QRICH2: variants seen among roughly 807,000 people sequenced by gnomAD.
QRICH2 encodes glutamine-rich protein 2.
Under a neutral mutation model 168.3 loss-of-function variants are expected in QRICH2, and 119 were observed. The ratio of observed to expected loss-of-function variants is 0.71; its 90% CI spans 0.61 to 0.82. The LOEUF (loss-of-function observed/expected upper bound fraction) is 0.82, where lower values mean the gene tolerates loss of function less well. Ranked by LOEUF, QRICH2 falls within the 40% of genes least tolerant of loss-of-function variation. The pLI is 0.00. For missense variants in QRICH2, 2,241 were observed against 2,491.6 expected (o/e 0.90, Z 2.14); for synonymous variants, 894 against 951.2 (o/e 0.94, Z 1.11).
At chr17:76,287,114 G>T in intron 7 of QRICH2, 78 bp downstream of exon 7, 3 of 796,722 alleles carry the variant, frequency 3.8e-6, no homozygotes, top group Non-Finnish European at 6.4e-6. Context: ...AGTTTTTGAT[G>T]AGAGGTGGGA....
Position 76,304,647 on chromosome 17 carries a change from C to A in QRICH2, c.595-122G>T. The A allele has an allele frequency of 4.0e-6, 3 of 751,618 alleles. No homozygotes were observed. The South Asian group carries it at 4.7e-5, about 12-fold the overall frequency. 46.6% of individuals were successfully genotyped at this position (751,618 alleles called of 1,614,324 possible). The stretch of plus-strand genomic sequence containing the variant: ...CACAGCCCCAGCCCCAGGGAGAATT[C>A]ATCACCCTTCAAGTGACCAGTGAAG... On this transcript the variant is annotated intron_variant, in intron 2 of 18. Transcript: ENST00000680821.
In QRICH2 at chr17:76,277,265, G is replaced by A. The variant is rs769294413; in HGVS notation, c.5163C>T (p.Arg1721=). The A allele has an allele frequency of 1.2e-5, 19 of 1,602,034 alleles. No individual in the cohort carries two copies. In the South Asian group the frequency reaches 2.0e-4, roughly 17 times the overall value. ...AGGTGAGGGTGTGGCTGCCCCCGCA[G>A]CGCCGGGGCACAGTTGAGTAGGTGT... ...ADYTYSTVPR[R]CGGSHTLTYP... is the part of the protein sequence containing the mutation. Residue 1721 remains arginine, a synonymous_variant, in exon 16 of 19, where the codon CGC becomes CGT. Transcript: ENST00000680821.
rs1450514535 is a variant in QRICH2 at position 76,307,386 on chromosome 17, G to T, written c.534+79C>A. The stretch of plus-strand genomic sequence containing the variant: ...CCCCACCACCGCTCACCCCTCCAGG[G>T]TGGTGGGGACTCGGCTAGGCCTGGA... On this transcript the variant is annotated intron_variant, in intron 1 of 18. Coordinates refer to ENST00000680821, the MANE Select transcript of QRICH2 (RefSeq NM_001388453.1). This position sits in a 1 kb window ranked among gnomAD's most constrained non-coding sequence, Gnocchi z 5.3. The T allele has an allele frequency of 6.1e-6, 9 of 1,483,840 alleles. No individual in the cohort carries two copies. The highest frequency in any genetic ancestry group is 1.7e-4 in the Middle Eastern group (1 of 5,730). The allele number at this position is 1,483,840 out of a possible 1,614,324, so 91.9% of individuals were successfully genotyped here.
In QRICH2 at chr17:76,303,499, A is replaced by G. The variant is rs1336620290; in HGVS notation, c.705+916T>C. 9.9e-4 allele frequency among the ~76,000 whole-genome samples: 150 copies of G among 151,936 alleles called. 1 individual carries two copies. The highest frequency in any genetic ancestry group is 1.4e-3 in the Non-Finnish European group (93 of 67,816). ...TCCAGCTTGATTTTAATCAGATGAAAGTAGGTCGGGGATCGGAAAACAATT... is the reference window on the plus strand; with the variant it reads ...TCCAGCTTGATTTTAATCAGATGAAGGTAGGTCGGGGATCGGAAAACAATT... On this transcript the variant is annotated intron_variant, in intron 3 of 18. Transcript: ENST00000680821.
chr17:76,296,513 G>A (rs1029298234), intron 3 of QRICH2, among the ~76,000 whole-genome samples: 11 of 152,144 alleles, frequency 7.2e-5, no homozygotes, highest in South Asian at 4.1e-4. Flanking sequence ...TTATCCAGGC[G>A]TGGTGGCTCA....
At chr17:76,279,209 G>A in intron 13 of QRICH2, 67 bp from the exon 14 acceptor site, 1 of 1,418,244 alleles carries the variant, frequency 7.1e-7, no homozygotes, top group Admixed American at 1.9e-5. Context: ...AAATCCACCT[G>A]CCTAAAGAAC....
chr17:76,292,533 G>A lies in QRICH2; in HGVS notation c.2194C>T (p.Gln732Ter). Residue 732 changes from glutamine to a stop codon, truncating the protein, a stop_gained, in exon 4 of 19, where the codon CAA becomes TAA. Coordinates refer to ENST00000680821, the MANE Select transcript of QRICH2 (RefSeq NM_001388453.1). LOFTEE classifies it high-confidence loss of function. ...AAACCACGCTGATCTACTCCAGGTT[G>A]GACCAAACCATGCTGAACTGCACCA... ...QPGAVQHGLV[Q>*]PGVDQRGLAQ... 1 of 1,604,428 alleles carries A rather than the reference G, an allele frequency of 6.2e-7. No homozygotes were observed. The highest frequency in any genetic ancestry group is 8.5e-7 in the Non-Finnish European group (1 of 1,174,224).
At chr17:76,296,083 T>C (rs2070788328) in intron 3 of QRICH2, among the ~76,000 whole-genome samples, 1 of 151,854 alleles carries the variant, frequency 6.6e-6, no homozygotes, top group South Asian at 2.1e-4. Flanking sequence ...ACTAGCTGGG[T>C]GTGGTGGCAC....
In QRICH2 at chr17:76,287,099, G is replaced by T. The variant is rs542965240; in HGVS notation, c.4011+93C>A. ...ACACACACACACACATGATGGGAGG[G>T]ACCTAGTTTTTGATGAGAGGTGGGA... On this transcript the variant is annotated intron_variant, in intron 7 of 18. Coordinates refer to ENST00000680821, the MANE Select transcript of QRICH2 (RefSeq NM_001388453.1). The T allele has an allele frequency of 8.7e-6, 6 of 688,722 alleles. No individual in the cohort carries two copies. The African/African-American group carries it at 9.5e-5, about 11-fold the overall frequency. 42.7% of individuals were successfully genotyped at this position (688,722 alleles called of 1,614,324 possible).
In QRICH2 at chr17:76,293,491, CA is replaced by C; in HGVS notation, c.1235del (p.Val412GlyfsTer21). ...LVPASTYPHG[V>X]VPLSMGQLGV... The stretch of plus-strand genomic sequence containing the variant: ...CAAGCTGACCCATGCTGAGGGGTAC[CA>C]CACCATGTGGGTAAGTGCTAGCAGG... On this transcript the variant is annotated frameshift_variant, in exon 4 of 19. Coordinates refer to ENST00000680821, the MANE Select transcript of QRICH2 (RefSeq NM_001388453.1). LOFTEE classifies it high-confidence loss of function. The C allele has an allele frequency of 6.2e-7, 1 of 1,614,210 alleles. No individual in the cohort carries two copies.
At chr17:76,306,191 A>C (rs1467349823) in intron 1 of QRICH2, among the ~76,000 whole-genome samples, 20 of 150,860 alleles carry the variant, frequency 1.3e-4, no homozygotes, top group Non-Finnish European at 2.4e-4. Context: ...AAAAAAAAAA[A>C]AACCCAAAAA....
Position 76,275,873 on chromosome 17 carries a change from C to G in QRICH2, c.5428G>C (p.Gly1810Arg). The G allele has an allele frequency of 6.2e-7, 1 of 1,608,636 alleles. No individual in the cohort carries two copies. The change falls in exon 18 of 19, where the codon GGC (glycine) becomes CGC (arginine). Residue 1810 changes from glycine to arginine, a missense_variant. By Grantham distance (125) the Gly-to-Arg change is moderately radical. This residue lies in a region of QRICH2 where 189 missense variants were observed against 169.3 expected (regional missense o/e 1.12). Coordinates refer to ENST00000680821, the MANE Select transcript of QRICH2 (RefSeq NM_001388453.1). ...VHRPPSLSSNGQLPSRPQSAQ... is the reference protein window; with the variant it reads ...VHRPPSLSSNRQLPSRPQSAQ... ...CTCTGTGGCCGAGAGGGCAGCTGGC[C>G]ATTGCTGCTGAGGGATGGCGGCCTG... is the stretch of plus-strand genomic sequence containing the variant.
chr17:76,289,398 G>T (rs753675473), intron 5 of QRICH2, among the ~76,000 whole-genome samples: 11 of 151,812 alleles, frequency 7.2e-5, no homozygotes, highest in Non-Finnish European at 4.4e-5. Context: ...TGTTGCCCAG[G>T]CTGGTCTCGA....
chr17:76,277,770 A>G (rs553758589), intron 15 of QRICH2, among the ~76,000 whole-genome samples: 1 of 152,048 alleles, frequency 6.6e-6, no homozygotes, highest in South Asian at 2.1e-4. Flanking sequence ...ACTCATACAC[A>G]CACACCCTTA....
At position 76,274,099 on chromosome 17, in the gene QRICH2, G is replaced by T. The variant is rs572322941; in HGVS notation, c.5644C>A (p.Arg1882=). ...TCCGCTCACTGAGCGGTGCTGGACC[G>T]CGGCCCCCGCGTGGGCTCCTCGAGC... ...EGLEEPTRGP[R]SSTAQ is the part of the protein sequence containing the mutation. Residue 1882 remains arginine, a synonymous_variant, in exon 19 of 19, where the codon CGG becomes AGG. Coordinates refer to ENST00000680821, the MANE Select transcript of QRICH2 (RefSeq NM_001388453.1). 130 of 1,579,432 alleles carry T rather than the reference G, an allele frequency of 8.2e-5. No individual in the cohort carries two copies. The East Asian group carries it at 8.9e-4, about 11-fold the overall frequency.
chr17:76,274,117 C>T lies in QRICH2; in HGVS notation c.5626G>A (p.Glu1876Lys), dbSNP rs779956877. Residue 1876 changes from glutamate to lysine, a missense_variant, in exon 19 of 19, where the codon GAG becomes AAG. This residue lies in a region of QRICH2 where 189 missense variants were observed against 169.3 expected (regional missense o/e 1.12). Transcript: ENST00000680821. Reference sequence around the variant, plus strand: ...CTGGACCGCGGCCCCCGCGTGGGCTCCTCGAGCCCCTCCCCAGGAGGCATG... The same window carrying T: ...CTGGACCGCGGCCCCCGCGTGGGCTTCTCGAGCCCCTCCCCAGGAGGCATG... ...VDMPPGEGLE[E>K]PTRGPRSSTA... The T allele has an allele frequency of 4.4e-6, 7 of 1,586,020 alleles. No homozygotes were observed. In the African/African-American group the frequency reaches 5.5e-5, roughly 12 times the overall value.
In QRICH2 at chr17:76,304,474, T is replaced by C. The variant is rs1407505310; in HGVS notation, c.646A>G (p.Met216Val). ...TGCTCCAGCTCTTCCCAGGTGACCATGGTGACTTCTTCTGCACCAGGAACC... is the reference window on the plus strand; with the variant it reads ...TGCTCCAGCTCTTCCCAGGTGACCACGGTGACTTCTTCTGCACCAGGAACC... ...SLVPGAEEVT[M>V]VTWEELEQAI... is the part of the protein sequence containing the mutation. Residue 216 changes from methionine to valine, a missense_variant, in exon 3 of 19, where the codon ATG becomes GTG. Met to Val is a conservative substitution (Grantham distance 21). Coordinates refer to ENST00000680821, the MANE Select transcript of QRICH2 (RefSeq NM_001388453.1). 3 of 1,613,816 alleles carry C rather than the reference T, an allele frequency of 1.9e-6. No homozygotes were observed. The highest frequency in any genetic ancestry group is 1.7e-5 in the Admixed American group (1 of 60,000).
In QRICH2 at chr17:76,289,986, C is replaced by T. The variant is rs2070958663; in HGVS notation, c.3798+6G>A. ...AAAAAGACAAAGTGGGTTGACTCTT[C>T]CTTACTTTTGCTTTCTCCTGCCAAA... On this transcript the variant is annotated splice_donor_region_variant and intron_variant, in intron 5 of 18. Coordinates refer to ENST00000680821, the MANE Select transcript of QRICH2 (RefSeq NM_001388453.1). 1.9e-6 allele frequency: 3 copies of T among 1,591,646 alleles called. No homozygotes were observed. The highest frequency in any genetic ancestry group is 2.6e-6 in the Non-Finnish European group (3 of 1,163,894).
At chr17:76,304,739 T>G in intron 2 of QRICH2, 143 bp downstream of exon 2, 1 of 775,404 alleles carries the variant, frequency 1.3e-6, no homozygotes, top group South Asian at 1.5e-5. Flanking sequence ...TGGGGCAGAT[T>G]TCCCTCCAAC....
Sources: allele counts gnomAD v4.1 joint callset (sites outside exome capture counted in the v4.1 genomes callset), GRCh38; gene constraint gnomAD v4.1.1; regional missense constraint gnomAD v4.1.1; non-coding constraint Gnocchi (gnomAD v3.1); transcripts MANE v1.5; gene names NCBI Gene and HGNC (gene_info 2026-07-23, HGNC 2026-07-21).